The following NAALADL2 variants were observed in gnomAD, a reference collection of about 807,000 sequenced individuals.
The protein encoded by NAALADL2 is N-acetylated alpha-linked acidic dipeptidase like 2, also known as inactive N-acetylated-alpha-linked acidic dipeptidase-like protein 2.
NAALADL2 carries 76 observed loss-of-function variants against 87.2 expected under a neutral mutation model. That is an observed-to-expected ratio of 0.87 (90% CI 0.72 to 1.05). The LOEUF is 1.05. NAALADL2 is among the 50% of genes least tolerant of loss of function. NAALADL2 has a pLI of 0.00. For synonymous variants in NAALADL2, 354 were observed against 331.0 expected (o/e 1.07, Z -0.75); for missense variants, 1,089 against 945.8 (o/e 1.15, Z -1.99).
At chr3:174,482,895 G>A (rs1291896819) in intron 1 of NAALADL2, among the ~76,000 whole-genome samples, 8 of 152,146 alleles carry the variant, frequency 5.3e-5, no homozygotes, top group African/African-American at 1.9e-4. Context: ...TTTGTGTTAT[G>A]CTAGTCATAT....
At chr3:175,208,664 C>T (rs906858555) in intron 2 of NAALADL2, among the ~76,000 whole-genome samples, 6 of 152,124 alleles carry the variant, frequency 3.9e-5, no homozygotes, top group East Asian at 3.9e-4. Flanking sequence ...TACATTCTTC[C>T]GATAATGCAT....
chr3:174,939,850 G>A (rs1738294748), intron 1 of NAALADL2, among the ~76,000 whole-genome samples: 1 of 152,004 alleles, frequency 6.6e-6, no homozygotes, highest in South Asian at 2.1e-4. Flanking sequence ...TTTGTACATT[G>A]ATTTGGTATC....
chr3:175,241,208 A>AT (rs11396313), intron 3 of NAALADL2, among the ~76,000 whole-genome samples: 12,080 of 151,884 alleles, frequency 0.08, 1,562 homozygotes, highest in African/African-American at 0.27. Flanking sequence ...TGCTTCTTTC[A>AT]TTTTTTAAAA....
intron 13 of NAALADL2, among the ~76,000 whole-genome samples, chr3:175,779,021 C>A (rs1266231764): frequency 6.6e-6 from 1 of 152,032 alleles, no homozygotes; most frequent in African/African-American, 2.4e-5. Flanking sequence ...TTAGGCTGAA[C>A]AAAGAATAGT....
intron 9 of NAALADL2, among the ~76,000 whole-genome samples, chr3:175,504,585 CT>C: frequency 9.3e-6 from 1 of 107,184 alleles, no homozygotes; most frequent in East Asian, 3.3e-4. Flanking sequence ...CTCTCTCTCT[CT>C]CTCTCTCTCT....
intron 5 of NAALADL2, among the ~76,000 whole-genome samples, chr3:175,443,493 G>A (rs1377722986): frequency 1.3e-5 from 2 of 152,082 alleles, no homozygotes; most frequent in East Asian, 1.9e-4. Flanking sequence ...AGGGATAGAC[G>A]GGTTTTGAAA....
chr3:174,570,649 G>A (rs1714824075), intron 2 of NAALADL2, among the ~76,000 whole-genome samples: 2 of 152,080 alleles, frequency 1.3e-5, no homozygotes, highest in African/African-American at 4.8e-5. Flanking sequence ...TAGCTTAAGG[G>A]TCACAACTTT....
At chr3:174,769,578 TTTTTA>T (rs1254090958) in intron 3 of NAALADL2, among the ~76,000 whole-genome samples, 2 of 151,486 alleles carry the variant, frequency 1.3e-5, no homozygotes, top group African/African-American at 4.8e-5. Context: ...ATTATTTTTA[TTTTTA>T]TTTTATTATA....
At chr3:175,184,769 T>C in intron 2 of NAALADL2, among the ~76,000 whole-genome samples, 1 of 152,224 alleles carries the variant, frequency 6.6e-6, no homozygotes, top group East Asian at 1.9e-4. Flanking sequence ...CTAGCTATAT[T>C]CCCTTAGGCA....
Position 174,548,558 on chromosome 3 carries a change from G to GA in NAALADL2, c.-183-2002dup, listed in dbSNP as rs201201410. Among the ~76,000 whole-genome samples the GA allele has an allele frequency of 5.9e-3, 895 of 151,270 alleles. 12 individuals are homozygous for GA. The highest frequency in any genetic ancestry group is 0.019 in the African/African-American group (779 of 41,270). ...GTCTTTAAAAACAGACAGAAAAACA[G>GA]AAAAAAAAATCTCATCAGTTTGCTG... On this transcript the variant is annotated intron_variant, in intron 1 of 3. Transcript: ENST00000434257.
chr3:175,401,047 C>T (rs1455595761), intron 5 of NAALADL2, among the ~76,000 whole-genome samples: 1 of 152,134 alleles, frequency 6.6e-6, no homozygotes, highest in Non-Finnish European at 1.5e-5. Flanking sequence ...TTTCTCAGCT[C>T]TTGAATCTTC....
In NAALADL2 at chr3:174,620,367, T is replaced by G. The variant is rs150701459; in HGVS notation, c.-115+69730T>G. Among the ~76,000 whole-genome samples the G allele has an allele frequency of 2.5e-3, 375 of 152,120 alleles. 2 individuals carry two copies. The highest frequency in any genetic ancestry group is 8.6e-3 in the African/African-American group (358 of 41,536). On this transcript the variant is annotated intron_variant, in intron 2 of 3. Coordinates refer to the NAALADL2 transcript ENST00000434257. Reference sequence around the variant, plus strand: ...AAGGGTGCTGTGAAATATTTAAAATTTTTATGGGAAACACAGCAACACCTA... The same window carrying G: ...AAGGGTGCTGTGAAATATTTAAAATGTTTATGGGAAACACAGCAACACCTA...
chr3:175,048,045 C>A (rs1263384706), intron 1 of NAALADL2, among the ~76,000 whole-genome samples: 7 of 152,124 alleles, frequency 4.6e-5, no homozygotes, highest in Admixed American at 2.6e-4. Flanking sequence ...ATTCTTCCAA[C>A]CTTTTACTAT....
chr3:175,088,774 A>G (rs573953319), intron 1 of NAALADL2, among the ~76,000 whole-genome samples: 2 of 152,352 alleles, frequency 1.3e-5, no homozygotes, highest in South Asian at 4.1e-4. Context: ...ATTGCAGTGT[A>G]TCTATCAAGC....
intron 1 of NAALADL2, among the ~76,000 whole-genome samples, chr3:174,980,187 A>T (rs569493824): frequency 6.6e-6 from 1 of 152,338 alleles, no homozygotes; most frequent in Non-Finnish European, 1.5e-5. Flanking sequence ...TATAATTCCT[A>T]TTTAATTATC....
At chr3:175,214,264 A>G (rs1742182956) in intron 2 of NAALADL2, among the ~76,000 whole-genome samples, 1 of 152,110 alleles carries the variant, frequency 6.6e-6, no homozygotes, top group Non-Finnish European at 1.5e-5. Context: ...AAATTGACAC[A>G]CTTCTTGGAA....
intron 11 of NAALADL2, among the ~76,000 whole-genome samples, chr3:175,669,999 G>A (rs1220155755): frequency 6.6e-6 from 1 of 151,864 alleles, no homozygotes; most frequent in African/African-American, 2.4e-5. Context: ...AAAAATGTAG[G>A]AATAATAGCA....
intron 2 of NAALADL2, among the ~76,000 whole-genome samples, chr3:175,192,153 C>A (rs750939995): frequency 6.6e-6 from 1 of 151,888 alleles, no homozygotes; most frequent in African/African-American, 2.4e-5. Flanking sequence ...CTGGAGTGTT[C>A]CTGGAAATTG....
At chr3:174,585,058 T>C (rs1031440869) in intron 2 of NAALADL2, among the ~76,000 whole-genome samples, 2 of 152,084 alleles carry the variant, frequency 1.3e-5, no homozygotes, top group Non-Finnish European at 2.9e-5. Flanking sequence ...TTTATCTGTA[T>C]ATATAAGAAT....
Sources: allele counts gnomAD v4.1 joint callset (sites outside exome capture counted in the v4.1 genomes callset), GRCh38; gene constraint gnomAD v4.1.1; transcripts MANE v1.5; gene names NCBI Gene and HGNC (gene_info 2026-07-23, HGNC 2026-07-21).